The following RAVER1 variants were observed in gnomAD, a reference collection of about 807,000 sequenced individuals.
The protein encoded by RAVER1 is ribonucleoprotein, PTB binding 1.
In RAVER1, 36 loss-of-function variants were observed where a neutral mutation model predicts 68.4. The ratio of observed to expected loss-of-function variants is 0.53; its 90% confidence interval spans 0.40 to 0.70. The LOEUF is 0.70. Among genes scored for constraint, RAVER1 ranks in the 30% least tolerant of loss-of-function variants. The probability of loss-of-function intolerance (pLI) is 0.00; values close to 1 mark genes in which losing one functional copy is unlikely to be tolerated. For missense variants in RAVER1, 933 were observed against 1,019.8 expected, an observed-to-expected ratio of 0.91 and a Z score of 1.16; for synonymous variants, 469 against 472.7, an observed-to-expected ratio of 0.99 and a Z score of 0.10.
chr19:10,331,348 C>A (rs1426558959), intron 1 of RAVER1, among the ~76,000 whole-genome samples: 2 of 100,912 alleles, frequency 2.0e-5, no homozygotes, highest in African/African-American at 8.0e-5. Flanking sequence ...CAGAGCGAGA[C>A]TCCGTCTCAA....
chr19:10,327,703 C>A (rs2040484820), intron 3 of RAVER1, among the ~76,000 whole-genome samples: 1 of 152,186 alleles, frequency 6.6e-6, no homozygotes, highest in South Asian at 2.1e-4. Context: ...GGTATCCTCA[C>A]CTGAAAATGG....
rs1036867849 is a variant in RAVER1 at position 10,323,248 on chromosome 19, G to A, written c.975C>T (p.Leu325=). The part of the protein sequence containing the change: ...ATALNRGKGL[L]PEPNILQLLN... Reference sequence around the variant, plus strand: ...GCAGCTGCAGGATGTTGGGCTCGGGGAGGAGTCCCTTCCCCCGATTGAGGG... The same window carrying A: ...GCAGCTGCAGGATGTTGGGCTCGGGAAGGAGTCCCTTCCCCCGATTGAGGG... Residue 325 remains leucine (L), a synonymous_variant, in exon 5 of 13, where the codon CTC becomes CTT. Transcript: ENST00000617231. This position sits in a 1 kb window ranked among gnomAD's most constrained non-coding sequence, Gnocchi z 6.2. The A allele has an allele frequency of 5.6e-6, 9 of 1,613,356 alleles. No homozygotes were observed. Among genetic ancestry groups the A allele is most frequent in the Non-Finnish European group, 7.6e-6 (9 of 1,179,654 alleles).
Position 10,316,243 on chromosome 19 carries a change from A to C in RAVER1, c.*1211T>G. The C allele has an allele frequency of 7.4e-7, 1 of 1,348,626 alleles. No homozygotes were observed. Among genetic ancestry groups the C allele is most frequent in the Non-Finnish European group, 9.5e-7 (1 of 1,056,338 alleles). 83.5% of individuals were successfully genotyped at this position (1,348,626 alleles called of 1,614,324 possible). A position where few individuals can be genotyped will look rare whatever the true frequency, so the allele number is the denominator to read the frequency against. The stretch of plus-strand genomic sequence containing the variant: ...TAAAACCATTTACTTACAAACTTTA[A>C]TTCAGCAAAGGTCCGTGTGGGGAGA... On this transcript the variant is annotated 3_prime_UTR_variant, in exon 13 of 13. Coordinates refer to ENST00000617231, the MANE Select transcript of RAVER1 (RefSeq NM_133452.3).
intron 3 of RAVER1, among the ~76,000 whole-genome samples, chr19:10,324,873 A>G (rs140969445): frequency 3.9e-5 from 6 of 152,230 alleles, no homozygotes; most frequent in Non-Finnish European, 8.8e-5. Flanking sequence ...AACGCCTGCT[A>G]CTCATCAGAT....
intron 3 of RAVER1, among the ~76,000 whole-genome samples, chr19:10,326,933 AT>A (rs961659388): frequency 2.7e-5 from 4 of 147,268 alleles, no homozygotes; most frequent in African/African-American, 7.6e-5. Context: ...CACCTGGCTA[AT>A]TTTTTTTGTA....
rs1317402665 is a variant in RAVER1 at position 10,328,909 on chromosome 19, C to T, written c.489G>A (p.Leu163=). The T allele has an allele frequency of 6.2e-7, 1 of 1,612,872 alleles. No individual in the cohort carries two copies. The highest frequency in any genetic ancestry group is 8.5e-7 in the Non-Finnish European group (1 of 1,179,514). Reference sequence around the variant, plus strand: ...ATTGGCCAGTGCGCTCACTGTAGACCAGGAAGCAGCGCTCCAGGCTGCCGA... The same window carrying T: ...ATTGGCCAGTGCGCTCACTGTAGACTAGGAAGCAGCGCTCCAGGCTGCCGA... The part of the protein sequence containing the change: ...RPFGSLERCF[L]VYSERTGQSK... Residue 163 remains leucine, a synonymous_variant, in exon 3 of 13, where the codon CTG becomes CTA. Coordinates refer to ENST00000617231, the MANE Select transcript of RAVER1 (RefSeq NM_133452.3). The surrounding 1 kb of genome is among the most constrained non-coding windows in gnomAD (Gnocchi z 4.4).
rs1190755114 is a variant in RAVER1, at chr19:10,317,254, G to C, written c.*200C>G. 1.6e-6 allele frequency: 1 copy of C among 635,558 alleles called. No homozygotes were observed. Among genetic ancestry groups the C allele is most frequent in the Non-Finnish European group, 2.7e-6 (1 of 364,882 alleles). 39.4% of individuals were successfully genotyped at this position (635,558 alleles called of 1,614,324 possible). A position where few individuals can be genotyped will look rare whatever the true frequency, so the allele number is the denominator to read the frequency against. ...TGCAGGGTTTCAGCGTGGGGAGCAA[G>C]CCAGAGACATAATGAGGCCTCCAGA... is the stretch of plus-strand genomic sequence containing the variant. On this transcript the variant is annotated 3_prime_UTR_variant, in exon 13 of 13. Transcript: ENST00000617231. The surrounding 1 kb of genome is among the most constrained non-coding windows in gnomAD (Gnocchi z 4.3).
Position 10,333,126 on chromosome 19 carries a change from C to A in RAVER1, c.219+163G>T, listed in dbSNP as rs1323301159. ...TCGGTTTCCCCTTTCATCATCGCCCCCCCACGTCCCGCTCTTGGTCTCTCC... is the reference window on the plus strand; with the variant it reads ...TCGGTTTCCCCTTTCATCATCGCCCACCCACGTCCCGCTCTTGGTCTCTCC... On this transcript the variant is annotated intron_variant, in intron 1 of 12. Coordinates refer to ENST00000617231, the MANE Select transcript of RAVER1 (RefSeq NM_133452.3). The surrounding 1 kb of genome is among the most constrained non-coding windows in gnomAD (Gnocchi z 4.2). Among the ~76,000 whole-genome samples, 1 of 152,164 alleles carries A rather than the reference C, an allele frequency of 6.6e-6. No individual in the cohort carries two copies. Among genetic ancestry groups the A allele is most frequent in the Non-Finnish European group, 1.5e-5 (1 of 68,036 alleles).
chr19:10,318,112 C>A (rs77438995), intron 11 of RAVER1, 117 bp downstream of exon 11: 42,733 of 879,644 alleles, frequency 0.049, 1,255 homozygotes, highest in African/African-American at 0.099. Flanking sequence ...GCAAGACCAA[C>A]CCCTGCCACC....
Position 10,329,212 on chromosome 19 carries a change from A to T in RAVER1, c.287-101T>A. On this transcript the variant is annotated intron_variant, in intron 2 of 12. Coordinates refer to ENST00000617231, the MANE Select transcript of RAVER1 (RefSeq NM_133452.3). The surrounding 1 kb of genome is among the most constrained non-coding windows in gnomAD (Gnocchi z 4.6). ...CAGGTGGGACCTCCAAATGCTGGGC[A>T]TCTCAGGTGCCTGCTGATCTGAGCA... 1 of 735,364 alleles carries T rather than the reference A, an allele frequency of 1.4e-6. No individual in the cohort carries two copies. The highest frequency in any genetic ancestry group is 2.2e-6 in the Non-Finnish European group (1 of 453,916). 45.6% of individuals were successfully genotyped at this position (735,364 alleles called of 1,614,324 possible).
intron 3 of RAVER1, among the ~76,000 whole-genome samples, chr19:10,325,422 G>C (rs924624428): frequency 1.3e-5 from 2 of 151,988 alleles, no homozygotes; most frequent in African/African-American, 4.8e-5. Flanking sequence ...ATGGAGATAG[G>C]GTTTCACCAT....
rs372282298 is a variant in RAVER1, at chr19:10,328,689, C to A, written c.709G>T (p.Ala237Ser). The stretch of plus-strand genomic sequence containing the variant: ...ACAGCTGACAGCGCCCGGCACAGAG[C>A]GTCCACATCGTTGAAGCCAGGTGGC... ...RLPPGFNDVD[A>S]LCRALSAVHS... Residue 237 changes from alanine (A) to serine (S), a missense_variant, in exon 3 of 13, where the codon GCT becomes TCT. By Grantham distance (99) the Ala-to-Ser change is moderately conservative. This residue lies in a region of RAVER1 where 699 missense variants were observed against 731.1 expected (regional missense o/e 0.96). Transcript: ENST00000617231. This position sits in a 1 kb window ranked among gnomAD's most constrained non-coding sequence, Gnocchi z 4.4. 5.6e-6 allele frequency: 9 copies of A among 1,598,662 alleles called. 1 individual carries two copies. In the South Asian group the frequency reaches 1.0e-4, roughly 18 times the overall value.
At position 10,320,734 on chromosome 19, in the gene RAVER1, C is replaced by G. The variant is rs1294810030; in HGVS notation, c.1691G>C (p.Arg564Pro). 16 of 1,517,108 alleles carry G rather than the reference C, an allele frequency of 1.1e-5. No homozygotes were observed. Among genetic ancestry groups the G allele is most frequent in the African/African-American group, 1.5e-5 (1 of 66,318 alleles). The allele number at this position is 1,517,108 out of a possible 1,614,324, so 94.0% of individuals were successfully genotyped here. A position where few individuals can be genotyped will look rare whatever the true frequency, so the allele number is the denominator to read the frequency against. The change falls in exon 9 of 13, where the codon CGC (arginine) becomes CCC (proline). Residue 564 changes from arginine (R) to proline (P), a missense_variant. Physicochemically the swap from Arg to Pro is moderately radical, Grantham distance 103 (BLOSUM62 -2). This residue lies in a region of RAVER1 where 699 missense variants were observed against 731.1 expected (regional missense o/e 0.96). Coordinates refer to ENST00000617231, the MANE Select transcript of RAVER1 (RefSeq NM_133452.3). ...GGCGCTGCTGAGGGGGCTGAGCAGG[C>G]GGGACTTGAGCTGGAAGGCTTTGCT... Reference protein sequence around the residue: ...SSSKAFQLKSRLLSPLSSARL... With the variant: ...SSSKAFQLKSPLLSPLSSARL...
Position 10,321,123 on chromosome 19 carries a change from G to A in RAVER1, c.1398C>T (p.Pro466=), listed in dbSNP as rs281425. 954 of 1,306,142 alleles carry A rather than the reference G, an allele frequency of 7.3e-4. 6 individuals are homozygous for A. In the African/African-American group the frequency reaches 0.013, roughly 18 times the overall value. 80.9% of individuals were successfully genotyped at this position (1,306,142 alleles called of 1,614,324 possible). The change falls in exon 8 of 13, where the codon CCC becomes CCT. Residue 466 remains proline (P), a synonymous_variant. Transcript: ENST00000617231. ...GPPAAQLTPP[P]APVGLRGSGL... ...CAGAGCCTCGGAGCCCCACAGGGGC[G>A]GGGGGAGGAGTGAGCTGGGCCGCTG...
Position 10,321,088 on chromosome 19 carries a change from C to T in RAVER1, c.1433G>A (p.Gly478Asp), listed in dbSNP as rs745832210. ...PVGLRGSGLR[G>D]LQKDSGPLPT... ...CAGAGGCCCACTGTCTTTCTGGAGG[C>T]CTCTGAGGCCAGAGCCTCGGAGCCC... The change falls in exon 8 of 13, where the codon GGC becomes GAC. Residue 478 changes from glycine to aspartate, a missense_variant. By Grantham distance (94) the Gly-to-Asp change is moderately conservative (BLOSUM62 -1). Around this residue, in one of 3 missense-constraint regions of RAVER1, gnomAD observed 699 missense variants for 731.1 expected, o/e 0.96. Transcript: ENST00000617231. 1 of 1,343,254 alleles carries T rather than the reference C, an allele frequency of 7.4e-7. No homozygotes were observed. Among genetic ancestry groups the T allele is most frequent in the African/African-American group, 1.5e-5 (1 of 65,352 alleles). 83.2% of individuals were successfully genotyped at this position (1,343,254 alleles called of 1,614,324 possible).
chr19:10,318,989 G>T (rs1162118582), intron 10 of RAVER1, among the ~76,000 whole-genome samples, 177 bp downstream of exon 10: 1 of 152,140 alleles, frequency 6.6e-6, no homozygotes, highest in Non-Finnish European at 1.5e-5. Flanking sequence ...AGGCCACAGT[G>T]AGCTATCATG....
chr19:10,318,532 G>T (rs2040412186), intron 10 of RAVER1, among the ~76,000 whole-genome samples, 160 bp from the exon 11 acceptor site: 1 of 152,082 alleles, frequency 6.6e-6, no homozygotes, highest in African/African-American at 2.4e-5. Context: ...CTAATTTTTT[G>T]TATTTTTAGT....
chr19:10,330,611 T>C, intron 1 of RAVER1, 85 bp from the exon 2 acceptor site: 1 of 677,634 alleles, frequency 1.5e-6, no homozygotes, highest in Non-Finnish European at 2.7e-6. Context: ...CCACCAGCTA[T>C]GAAGGCAGGT....
chr19:10,320,131 A>G (rs2145067303), intron 9 of RAVER1, among the ~76,000 whole-genome samples: 1 of 152,292 alleles, frequency 6.6e-6, no homozygotes, highest in East Asian at 1.9e-4. Flanking sequence ...CTGAGACCCA[A>G]GATCCTCCAG....
Sources: allele counts gnomAD v4.1 joint callset (sites outside exome capture counted in the v4.1 genomes callset), GRCh38; gene constraint gnomAD v4.1.1; regional missense constraint gnomAD v4.1.1; non-coding constraint Gnocchi (gnomAD v3.1); transcripts MANE v1.5; gene names NCBI Gene and HGNC (gene_info 2026-07-23, HGNC 2026-07-21).